The following CEP126 variants were observed in gnomAD, a reference collection of about 807,000 sequenced individuals.
CEP126 encodes centrosomal protein of 126 kDa.
Under a neutral mutation model 107.8 loss-of-function variants are expected in CEP126, and 74 were observed. The ratio of observed to expected loss-of-function variants is 0.69; its 90% CI spans 0.57 to 0.83. CEP126 has a LOEUF of 0.83. Ranked by LOEUF, CEP126 falls within the 40% of genes least tolerant of loss-of-function variation. The probability of loss-of-function intolerance (pLI) is 0.00; values close to 1 mark genes in which losing one functional copy is unlikely to be tolerated. For synonymous variants in CEP126, 449 were observed against 446.0 expected, an observed-to-expected ratio of 1.01 and a Z score of -0.08; for missense variants, 1,237 against 1,281.9, an observed-to-expected ratio of 0.96 and a Z score of 0.53.
Position 101,962,451 on chromosome 11 carries a change from T to C in CEP126, c.1416T>C (p.Ala472=), listed in dbSNP as rs1486186303. Residue 472 remains alanine (A), a synonymous_variant, in exon 6 of 11, where the codon GCT becomes GCC. Transcript: ENST00000263468. ...PLVLPSNIQS[A]RPSAKNSIHI... ...TTTTGCCATCTAATATACAGTCAGCTAGACCTTCAGCAAAGAACAGTATAC... is the reference window on the plus strand; with the variant it reads ...TTTTGCCATCTAATATACAGTCAGCCAGACCTTCAGCAAAGAACAGTATAC... The C allele has an allele frequency of 6.2e-7, 1 of 1,613,692 alleles. No homozygotes were observed. Among genetic ancestry groups the C allele is most frequent in the African/African-American group, 1.3e-5 (1 of 74,930 alleles).
rs115608422 is a variant in CEP126, at chr11:101,944,138, A to T, written c.249-127A>T. ...GGCAAACACCTGTTTTAAAAAATTT[A>T]AAATTTGTTGTTTTTAAATAAAATT... On this transcript the variant is annotated intron_variant, in intron 2 of 10. Transcript: ENST00000263468. The T allele has an allele frequency of 1.9e-3, 1,698 of 896,586 alleles. 32 individuals carry two copies. In the African/African-American group the frequency reaches 0.027, roughly 15 times the overall value. The allele number at this position is 896,586 out of a possible 1,614,324, so 55.5% of individuals were successfully genotyped here.
intron 10 of CEP126, among the ~76,000 whole-genome samples, chr11:101,996,593 T>C (rs771979322): frequency 6.6e-6 from 1 of 152,190 alleles, no homozygotes; most frequent in Non-Finnish European, 1.5e-5. Context: ...CGGTCTCTTA[T>C]AAATCAGTGT....
At chr11:101,938,171 A>AAAAAAAAAAAAAAAAAC (rs1307777067) in intron 2 of CEP126, among the ~76,000 whole-genome samples, 1 of 144,522 alleles carries the variant, frequency 6.9e-6, no homozygotes, top group African/African-American at 2.6e-5. Flanking sequence ...AAAAAAAAAA[A>AAAAAAAAAAAAAAAAAC]AAAAATACAA....
intron 7 of CEP126, 85 bp downstream of exon 7, chr11:101,978,544 T>C (rs1054595431): frequency 8.6e-6 from 7 of 813,294 alleles, no homozygotes; most frequent in Non-Finnish European, 1.2e-5. Flanking sequence ...ATGCTCTTGC[T>C]GTAAACTGTA....
At chr11:101,961,441 CTAAA>C (rs1940968041) in intron 5 of CEP126, among the ~76,000 whole-genome samples, 1 of 151,980 alleles carries the variant, frequency 6.6e-6, no homozygotes, top group African/African-American at 2.4e-5. Flanking sequence ...ACTTCATACT[CTAAA>C]TGGAATAGCA....
chr11:101,961,639 A>G (rs1235067571), intron 5 of CEP126, 102 bp from the exon 6 acceptor site: 1 of 621,962 alleles, frequency 1.6e-6, no homozygotes, highest in African/African-American at 1.9e-5. Flanking sequence ...ATACTACTCT[A>G]TATGCAAGGA....
chr11:101,977,603 C>T (rs1941205689), intron 6 of CEP126, among the ~76,000 whole-genome samples: 1 of 145,368 alleles, frequency 6.9e-6, no homozygotes, highest in Admixed American at 6.9e-5. Context: ...TGCACTCCAG[C>T]CTGGGTGACA....
chr11:101,915,288 C>A lies in CEP126; in HGVS notation c.4C>A (p.Leu2Met). M[L>M]AGRPGTRSAV... ...ACAGGCGGCGCTGAAGTGAAGGATG[C>A]TGGCGGGGAGGCCCGGAACCCGGAG... Residue 2 changes from leucine to methionine, a missense_variant, in exon 1 of 11, where the codon CTG (leucine) becomes ATG (methionine). Physicochemically the swap from Leu to Met is conservative, Grantham distance 15. Transcript: ENST00000263468. The A allele has an allele frequency of 6.2e-7, 1 of 1,613,550 alleles. No individual in the cohort carries two copies. Among genetic ancestry groups the A allele is most frequent in the Non-Finnish European group, 8.5e-7 (1 of 1,179,868 alleles).
chr11:101,997,685 C>G lies in CEP126; in HGVS notation c.*42C>G. 1 of 1,612,834 alleles carries G rather than the reference C, an allele frequency of 6.2e-7. No individual in the cohort carries two copies. The highest frequency in any genetic ancestry group is 1.1e-5 in the South Asian group (1 of 91,002). The stretch of plus-strand genomic sequence containing the variant: ...CTAAGAAGACCTTTCATGTACTTCC[C>G]TAGGACTAGATGCATACCGTTTTGT... On this transcript the variant is annotated 3_prime_UTR_variant, in exon 11 of 11. Coordinates refer to ENST00000263468, the MANE Select transcript of CEP126 (RefSeq NM_020802.4).
At chr11:101,921,342 A>C (rs1329434449) in intron 1 of CEP126, among the ~76,000 whole-genome samples, 1 of 152,158 alleles carries the variant, frequency 6.6e-6, no homozygotes, top group African/African-American at 2.4e-5. Context: ...CTATTAGTAA[A>C]ATACAATCTT....
At chr11:101,953,664 C>A (rs1294107218) in intron 4 of CEP126, among the ~76,000 whole-genome samples, 1 of 152,000 alleles carries the variant, frequency 6.6e-6, no homozygotes, top group East Asian at 1.9e-4. Flanking sequence ...CAAGAAATAC[C>A]TATTTTTGCA....
intron 7 of CEP126, among the ~76,000 whole-genome samples, chr11:101,979,645 G>A (rs544707142): frequency 3.9e-5 from 6 of 152,216 alleles, no homozygotes; most frequent in East Asian, 3.9e-4. Flanking sequence ...CTGAGGTTCC[G>A]GGAGGATGCA....
intron 2 of CEP126, among the ~76,000 whole-genome samples, chr11:101,930,729 C>T (rs1448457318): frequency 6.6e-6 from 1 of 152,170 alleles, no homozygotes; most frequent in Admixed American, 6.5e-5. Context: ...CTGATTGGGG[C>T]ATTACAATCC....
Position 101,997,935 on chromosome 11 carries a change from GCAAA to G in CEP126, c.*298_*301del, listed in dbSNP as rs1419229158. 1.0e-5 allele frequency: 3 copies of G among 292,580 alleles called. No individual in the cohort carries two copies. Among genetic ancestry groups the G allele is most frequent in the Admixed American group, 4.8e-5 (1 of 20,838 alleles). The allele number at this position is 292,580 out of a possible 1,614,324, so 18.1% of individuals were successfully genotyped here. A position where few individuals can be genotyped will look rare whatever the true frequency, so the allele number is the denominator to read the frequency against. ...CACAAGGATGAAGCTTGTGAGTAGAGCAAACAAACGTTTTTCCAAAGAATTCACA... is the reference window on the plus strand; with the variant it reads ...CACAAGGATGAAGCTTGTGAGTAGAGCAAACGTTTTTCCAAAGAATTCACA... On this transcript the variant is annotated 3_prime_UTR_variant, in exon 11 of 11. Transcript: ENST00000263468.
chr11:101,956,815 A>G (rs1033696467), intron 4 of CEP126: 8 of 431,292 alleles, frequency 1.9e-5, no homozygotes, highest in East Asian at 7.0e-5. Flanking sequence ...CTACCTCCCC[A>G]TCTCCTTTTA....
chr11:101,997,451 A>G (rs1591299225), intron 10 of CEP126, 148 bp from the exon 11 acceptor site: 17 of 1,224,342 alleles, frequency 1.4e-5, no homozygotes, highest in Non-Finnish European at 1.8e-5. Flanking sequence ...TAAATAATCT[A>G]TAAAGTCCTC....
chr11:101,978,257 A>G (rs996985396), intron 6 of CEP126, 90 bp from the exon 7 acceptor site: 9 of 777,528 alleles, frequency 1.2e-5, no homozygotes, highest in Non-Finnish European at 1.8e-5. Context: ...AGTTTTCTTG[A>G]TATTTGAAAG....
intron 4 of CEP126, chr11:101,956,402 C>T (rs779701888): frequency 4.4e-6 from 2 of 456,356 alleles, no homozygotes; most frequent in South Asian, 1.5e-5. Flanking sequence ...TAGCTTGGAT[C>T]CTTTTCAGTC....
At chr11:101,961,614 A>G (rs1940969663) in intron 5 of CEP126, 127 bp from the exon 6 acceptor site, 1 of 548,954 alleles carries the variant, frequency 1.8e-6, no homozygotes, top group East Asian at 3.1e-5. Flanking sequence ...TTATATACCT[A>G]TGATGTTTAT....
Sources: allele counts gnomAD v4.1 joint callset (sites outside exome capture counted in the v4.1 genomes callset), GRCh38; gene constraint gnomAD v4.1.1; transcripts MANE v1.5; gene names NCBI Gene and HGNC (gene_info 2026-07-23, HGNC 2026-07-21).